CPED1: variants seen among roughly 807,000 people sequenced by gnomAD.
The protein encoded by CPED1 is cadherin-like and PC-esterase domain-containing protein 1.
In CPED1, 114 loss-of-function variants were observed where a neutral mutation model predicts 128.2. That is an observed-to-expected ratio of 0.89 (90% CI 0.76 to 1.04). The LOEUF (loss-of-function observed/expected upper bound fraction) is 1.04, where lower values mean the gene tolerates loss of function less well. Among genes scored for constraint, CPED1 ranks in the 50% least tolerant of loss-of-function variants. CPED1 has a pLI of 0.00. For missense variants in CPED1, 1,211 were observed against 1,207.1 expected (o/e 1.00, Z -0.05); for synonymous variants, 462 against 426.7 (o/e 1.08, Z -1.02).
intron 18 of CPED1, among the ~76,000 whole-genome samples, chr7:121,250,854 A>AC (rs201218434): frequency 0.42 from 63,045 of 151,824 alleles, 13,538 homozygotes; most frequent in Middle Eastern, 0.52. Flanking sequence ...AAAGTCCAAG[A>AC]CAGATGGATT....
intron 22 of CPED1, among the ~76,000 whole-genome samples, chr7:121,287,652 C>A (rs17509082): frequency 0.17 from 25,901 of 152,144 alleles, 2,348 homozygotes; most frequent in Non-Finnish European, 0.2. Flanking sequence ...TATTTTCCTA[C>A]ATTTATCTTT....
intron 18 of CPED1, among the ~76,000 whole-genome samples, chr7:121,248,615 C>G (rs575372706): frequency 9.2e-6 from 1 of 108,888 alleles, no homozygotes; most frequent in Admixed American, 8.1e-5. Context: ...AAAAAAAAAG[C>G]ATTAAGCCAC....
At chr7:121,107,807 C>T (rs766982956) in intron 7 of CPED1, among the ~76,000 whole-genome samples, 1 of 151,948 alleles carries the variant, frequency 6.6e-6, no homozygotes, top group Non-Finnish European at 1.5e-5. Context: ...TAACAATATC[C>T]TTTATTCCTT....
chr7:121,253,919 A>G (rs1268064080), intron 18 of CPED1, among the ~76,000 whole-genome samples: 1 of 152,076 alleles, frequency 6.6e-6, no homozygotes, highest in East Asian at 1.9e-4. Flanking sequence ...GATTCATAAA[A>G]CACGTTCTTG....
At chr7:121,234,729 G>A (rs1798215371) in intron 16 of CPED1, among the ~76,000 whole-genome samples, 1 of 151,558 alleles carries the variant, frequency 6.6e-6, no homozygotes. Flanking sequence ...CCGTCATCCA[G>A]ATTTCCTTTT....
At chr7:121,011,805 T>G (rs1282563360) in intron 2 of CPED1, among the ~76,000 whole-genome samples, 1 of 152,178 alleles carries the variant, frequency 6.6e-6, no homozygotes, top group Non-Finnish European at 1.5e-5. Context: ...GTATATGGAA[T>G]CATACACATT....
intron 16 of CPED1, among the ~76,000 whole-genome samples, chr7:121,155,982 ACAACT>A (rs1796275168): frequency 6.6e-6 from 1 of 152,176 alleles, no homozygotes; most frequent in Non-Finnish European, 1.5e-5. Context: ...AAATATGTAA[ACAACT>A]CAAACAACTC....
chr7:121,171,420 T>C (rs1796646714), intron 16 of CPED1, among the ~76,000 whole-genome samples: 1 of 152,196 alleles, frequency 6.6e-6, no homozygotes, highest in South Asian at 2.1e-4. Flanking sequence ...TTTCCCTGAT[T>C]AAAAATAGCT....
chr7:121,103,718 T>A (rs1294058958), intron 7 of CPED1, among the ~76,000 whole-genome samples: 1 of 152,064 alleles, frequency 6.6e-6, no homozygotes, highest in Non-Finnish European at 1.5e-5. Flanking sequence ...GAGTACTGAA[T>A]TCAAAGCCCA....
At chr7:121,271,454 TTTATAGC>T in intron 22 of CPED1, 24 bp downstream of exon 22, 2 of 1,600,868 alleles carry the variant, frequency 1.2e-6, no homozygotes, top group Non-Finnish European at 1.7e-6. Flanking sequence ...CTATCTGAGT[TTTATAGC>T]TTTTGATCTT....
Position 120,995,963 on chromosome 7 carries a change from CCTCCTCCTT to C in CPED1, c.249+6096_249+6104del, listed in dbSNP as rs1269167342. On this transcript the variant is annotated intron_variant, in intron 2 of 22. Coordinates refer to ENST00000310396, the MANE Select transcript of CPED1 (RefSeq NM_024913.5). ...TCCTTCTTCTCCTCCTCCTCCTCCT[CCTCCTCCTT>C]CTTCTTCTTCTTCTTCTTCAATAAC... is the stretch of plus-strand genomic sequence containing the variant. Among the ~76,000 whole-genome samples the C allele has an allele frequency of 1.5e-3, 194 of 126,722 alleles. 2 individuals are homozygous for C. The highest frequency in any genetic ancestry group is 5.9e-3 in the African/African-American group (139 of 23,626). The allele number at this position is 126,722 out of a possible 152,430, so 83.1% of individuals were successfully genotyped here. A position where few individuals can be genotyped will look rare whatever the true frequency, so the allele number is the denominator to read the frequency against.
chr7:121,063,293 A>G (rs1015070336), intron 4 of CPED1, among the ~76,000 whole-genome samples: 2 of 138,120 alleles, frequency 1.4e-5, no homozygotes, highest in Non-Finnish European at 3.1e-5. Context: ...TTAGAACTGT[A>G]TCTTATTGAT....
intron 2 of CPED1, among the ~76,000 whole-genome samples, chr7:120,991,677 A>G (rs930992371): frequency 6.6e-5 from 10 of 152,186 alleles, no homozygotes; most frequent in African/African-American, 2.4e-4. Flanking sequence ...TTCGATTTCA[A>G]CTTTGAATCT....
intron 2 of CPED1, among the ~76,000 whole-genome samples, chr7:120,995,939 CCTTCTT>C (rs1381318289): frequency 7.8e-6 from 1 of 127,460 alleles, no homozygotes; most frequent in Non-Finnish European, 1.6e-5. Flanking sequence ...TTCTCCTCCT[CCTTCTT>C]CTCCTCCTCC....
chr7:121,126,051 A>G (rs1378877558), intron 9 of CPED1, among the ~76,000 whole-genome samples, 159 bp downstream of exon 9: 1 of 152,180 alleles, frequency 6.6e-6, no homozygotes, highest in African/African-American at 2.4e-5. Context: ...ACAATTAACT[A>G]GTATGTGGAG....
rs961137792 is a variant in CPED1, at chr7:121,055,464, T to C, written c.540+8471T>C. Reference sequence around the variant, plus strand: ...TTTATTTCAAGCTTTTATCTGATTGTGAAGCAATATTTACATAGCAATCAC... The same window carrying C: ...TTTATTTCAAGCTTTTATCTGATTGCGAAGCAATATTTACATAGCAATCAC... On this transcript the variant is annotated intron_variant, in intron 4 of 22. Transcript: ENST00000310396. Among the ~76,000 whole-genome samples the C allele has an allele frequency of 5.3e-5, 8 of 151,956 alleles. No individual in the cohort carries two copies. In the South Asian group the frequency reaches 1.7e-3, roughly 32 times the overall value.
At chr7:121,235,751 T>A (rs1798238896) in intron 16 of CPED1, among the ~76,000 whole-genome samples, 1 of 152,116 alleles carries the variant, frequency 6.6e-6, no homozygotes. Context: ...ATAAACAAAC[T>A]AACAAACAGT....
chr7:121,230,032 A>C (rs1798102176), intron 16 of CPED1, among the ~76,000 whole-genome samples: 1 of 152,080 alleles, frequency 6.6e-6, no homozygotes, highest in Non-Finnish European at 1.5e-5. Context: ...TATTTCAAGC[A>C]ACAAAGGGAG....
At chr7:121,115,770 G>A (rs117362103) in intron 7 of CPED1, among the ~76,000 whole-genome samples, 2,171 of 152,162 alleles carry the variant, frequency 0.014, 32 homozygotes, top group Non-Finnish European at 0.023. Flanking sequence ...TTATATTATT[G>A]GAAGTTCAAA....
Sources: gnomAD v4.1 joint callset for allele counts (sites outside exome capture counted in the v4.1 genomes callset) on GRCh38, gnomAD v4.1.1 for gene constraint, MANE v1.5 for transcripts, NCBI Gene and HGNC (gene_info 2026-07-23, HGNC 2026-07-21) for gene names.